CRLF2: variants seen among roughly 807,000 people sequenced by gnomAD.
CRLF2 encodes cytokine receptor-like factor 2.
CRLF2 carries 41 observed loss-of-function variants against 38.7 expected under a neutral mutation model. The ratio of observed to expected loss-of-function variants is 1.06; its 90% CI spans 0.83 to 1.37. The LOEUF (loss-of-function observed/expected upper bound fraction) is 1.37. Ranked by LOEUF, CRLF2 falls within the 40% of genes most tolerant of loss-of-function variation. CRLF2 has a pLI of 0.00. For missense variants in CRLF2, 377 were observed against 322.2 expected, an observed-to-expected ratio of 1.17 and a Z score of -1.30; for synonymous variants, 140 against 128.8, an observed-to-expected ratio of 1.09 and a Z score of -0.59.
chrX:1,209,552 C>T (rs181106943), intron 1 of CRLF2, among the ~76,000 whole-genome samples: 3,738 of 151,576 alleles, frequency 0.025, 57 homozygotes, highest in African/African-American at 0.047. Flanking sequence ...AGGATGGTCT[C>T]GATCTCCTGA....
intron 6 of CRLF2, 24 bp from the exon 7 acceptor site, chrX:1,193,326 G>C (rs1487565124): frequency 2.0e-5 from 8 of 398,534 alleles, no homozygotes; most frequent in African/African-American, 1.0e-4. Context: ...GGAGAGCGTG[G>C]TCAGGTCGGC....
At chrX:1,196,748 C>G in intron 6 of CRLF2, 32 bp downstream of exon 6, 1 of 1,610,370 alleles carries the variant, frequency 6.2e-7, no homozygotes, top group East Asian at 2.2e-5. Flanking sequence ...AAGCAGGTCC[C>G]TCCACCCACG....
At position 1,208,792 on chromosome X, in the gene CRLF2, T is replaced by C; in HGVS notation, c.182+14A>G. ...CCCCCTGGGCGTGGGGTTCGCTTTC[T>C]GGGGGCCACTTACCTGTAGTGGAAA... On this transcript the variant is annotated intron_variant, in intron 2 of 7. Coordinates refer to ENST00000400841, the MANE Select transcript of CRLF2 (RefSeq NM_022148.4). 6.5e-7 allele frequency: 1 copy of C among 1,532,538 alleles called. No individual in the cohort carries two copies. Among genetic ancestry groups the C allele is most frequent in the Non-Finnish European group, 9.0e-7 (1 of 1,105,748 alleles). The allele number at this position is 1,532,538 out of a possible 1,614,324, so 94.9% of individuals were successfully genotyped here.
chrX:1,202,426 C>T lies in CRLF2; in HGVS notation c.459G>A (p.Arg153=), dbSNP rs1217577302. Residue 153 remains arginine, a synonymous_variant, in exon 4 of 8, where the codon CGG becomes CGA. Coordinates refer to ENST00000400841, the MANE Select transcript of CRLF2 (RefSeq NM_022148.4). ...CCTGCCACTCGGTGTCGAAGGGGCT[C>T]CGGTACTGAACCTCATAGAGGAGAT... ...YGDLLYEVQY[R]SPFDTEWQSK... is the part of the protein sequence containing the mutation. The T allele has an allele frequency of 1.2e-6, 2 of 1,613,634 alleles. No individual in the cohort carries two copies. Among genetic ancestry groups the T allele is most frequent in the East Asian group, 2.2e-5 (1 of 44,872 alleles).
intron 3 of CRLF2, 73 bp downstream of exon 3, chrX:1,206,360 G>A (rs2086690899): frequency 2.2e-6 from 3 of 1,339,790 alleles, no homozygotes; most frequent in African/African-American, 1.4e-5. Flanking sequence ...GCATGAGCTT[G>A]GTTTTCAGTC....
chrX:1,201,325 C>T (rs1308613079), intron 4 of CRLF2, among the ~76,000 whole-genome samples: 2 of 135,018 alleles, frequency 1.5e-5, no homozygotes, highest in Non-Finnish European at 3.2e-5. Flanking sequence ...TGCCTGTGTG[C>T]CTGTGTTTGT....
Position 1,198,436 on chromosome X carries a change from G to T in CRLF2, c.646+126C>A, listed in dbSNP as rs760837120. The T allele has an allele frequency of 8.4e-6, 6 of 710,190 alleles. No homozygotes were observed. In the Admixed American group the frequency reaches 1.2e-4, roughly 14 times the overall value. 44.0% of individuals were successfully genotyped at this position (710,190 alleles called of 1,614,324 possible). On this transcript the variant is annotated intron_variant, in intron 5 of 7. Transcript: ENST00000400841. ...ACCCTCCCTCCCACCTCCCAGGAAG[G>T]CAGGACACCCTCCCTCCCACCTCGA...
intron 3 of CRLF2, among the ~76,000 whole-genome samples, chrX:1,204,080 CCT>C (rs1456387659): frequency 3.0e-5 from 1 of 33,564 alleles, no homozygotes; most frequent in Non-Finnish European, 7.8e-5. Context: ...AGAGCAAGAC[CCT>C]CTCTCTCAAA....
intron 1 of CRLF2, among the ~76,000 whole-genome samples, chrX:1,210,376 C>T (rs1242979241): frequency 6.6e-5 from 10 of 152,038 alleles, no homozygotes; most frequent in African/African-American, 1.4e-4. Context: ...TGCAGTGGTG[C>T]GATCCCGGCT....
chrX:1,191,370 C>CCTTCCTT (rs1427292357), intron 7 of CRLF2, among the ~76,000 whole-genome samples: 1 of 48,116 alleles, frequency 2.1e-5, no homozygotes, highest in African/African-American at 6.2e-5. Flanking sequence ...TCCTTTCTTT[C>CCTTCCTT]TCTTTCTTTC....
At position 1,210,628 on chromosome X, in the gene CRLF2, G is replaced by T. The variant is rs1360438082; in HGVS notation, c.80-1720C>A. Among the ~76,000 whole-genome samples the T allele has an allele frequency of 2.6e-5, 4 of 152,324 alleles. No homozygotes were observed. In the East Asian group the frequency reaches 7.7e-4, roughly 29 times the overall value. Reference sequence around the variant, plus strand: ...CCCGGCCAAGTCTCTCACTGTCAAAGAAGTCAGTTACAGGTTTGGAAAGAT... The same window carrying T: ...CCCGGCCAAGTCTCTCACTGTCAAATAAGTCAGTTACAGGTTTGGAAAGAT... On this transcript the variant is annotated intron_variant, in intron 1 of 7. Coordinates refer to ENST00000400841, the MANE Select transcript of CRLF2 (RefSeq NM_022148.4).
At position 1,198,606 on chromosome X, in the gene CRLF2, C is replaced by G. The variant is rs1302428661; in HGVS notation, c.602G>C (p.Ser201Thr). 6.2e-7 allele frequency: 1 copy of G among 1,613,764 alleles called. No individual in the cohort carries two copies. Among genetic ancestry groups the G allele is most frequent in the South Asian group, 1.1e-5 (1 of 91,072 alleles). The change falls in exon 5 of 8, where the codon AGC becomes ACC. Residue 201 changes from serine (S) to threonine (T), a missense_variant. Ser to Thr is a moderately conservative substitution (Grantham distance 58). Transcript: ENST00000400841. The stretch of plus-strand genomic sequence containing the variant: ...CCAGCATGTCACCTCTGACCAGTCG[C>G]TTGGGTATGTGTCTGGCCCATATAC... ...EDVYGPDTYP[S>T]DWSEVTCWQR...
At chrX:1,191,977 G>C (rs1419549253) in intron 7 of CRLF2, among the ~76,000 whole-genome samples, 1 of 148,414 alleles carries the variant, frequency 6.7e-6, no homozygotes, top group South Asian at 2.2e-4. Context: ...AGGCCAAGGT[G>C]GGTGGATCAT....
chrX:1,200,571 CTG>C (rs1226136333), intron 4 of CRLF2, among the ~76,000 whole-genome samples: 1 of 106,072 alleles, frequency 9.4e-6, no homozygotes, highest in Admixed American at 1.0e-4. Context: ...TGTATATAAG[CTG>C]TGTGTGTGTA....
At chrX:1,199,992 T>C (rs190166876) in intron 4 of CRLF2, among the ~76,000 whole-genome samples, 7 of 151,434 alleles carry the variant, frequency 4.6e-5, no homozygotes, top group East Asian at 1.9e-4. Flanking sequence ...TACGTGTGTA[T>C]ATATATGTGT....
intron 2 of CRLF2, among the ~76,000 whole-genome samples, chrX:1,207,651 G>A (rs2086716742): frequency 6.6e-6 from 1 of 150,548 alleles, no homozygotes; most frequent in Admixed American, 6.6e-5. Flanking sequence ...TTTTTGTGAG[G>A]TTTTTGTTTT....
At chrX:1,198,535 G>A (rs1311612488) in intron 5 of CRLF2, 27 bp downstream of exon 5, 1 of 1,612,770 alleles carries the variant, frequency 6.2e-7, no homozygotes, top group Non-Finnish European at 8.5e-7. Context: ...ACAAGGCTAT[G>A]GGACACTGCC....
At position 1,202,420 on chromosome X, in the gene CRLF2, G is replaced by C. The variant is rs1302369107; in HGVS notation, c.465C>G (p.Pro155=). 6.2e-7 allele frequency: 1 copy of C among 1,613,648 alleles called. No homozygotes were observed. The highest frequency in any genetic ancestry group is 1.7e-5 in the Admixed American group (1 of 59,996). The part of the protein sequence containing the change: ...DLLYEVQYRS[P]FDTEWQSKQE... The stretch of plus-strand genomic sequence containing the variant: ...GGCTCACCTGCCACTCGGTGTCGAA[G>C]GGGCTCCGGTACTGAACCTCATAGA... Residue 155 remains proline, a synonymous_variant, in exon 4 of 8, where the codon CCC becomes CCG. Transcript: ENST00000400841.
Position 1,190,863 on chromosome X carries a change from GA to G in CRLF2, c.*33del. The G allele has an allele frequency of 5.0e-6, 2 of 398,666 alleles. No homozygotes were observed. Among genetic ancestry groups the G allele is most frequent in the Admixed American group, 8.8e-5 (2 of 22,722 alleles). The allele number at this position is 398,666 out of a possible 1,614,324, so 24.7% of individuals were successfully genotyped here. Reference sequence around the variant, plus strand: ...CCCTCTGTCTTTAAATGTCAACGTGGATCCTGACGTTGACTTTGACAGTGGT... The same window carrying G: ...CCCTCTGTCTTTAAATGTCAACGTGGTCCTGACGTTGACTTTGACAGTGGT... On this transcript the variant is annotated 3_prime_UTR_variant, in exon 8 of 8. Transcript: ENST00000400841.
Sources: allele counts gnomAD v4.1 joint callset (sites outside exome capture counted in the v4.1 genomes callset), GRCh38; gene constraint gnomAD v4.1.1; transcripts MANE v1.5; gene names NCBI Gene and HGNC (gene_info 2026-07-23, HGNC 2026-07-21).